Variants in PPID observed in about 807,000 individuals in gnomAD.
PPID encodes peptidylprolyl isomerase D.
Under a neutral mutation model 48.1 loss-of-function variants are expected in PPID, and 47 were observed. The observed-to-expected ratio is 0.98, with a 90% CI of 0.77 to 1.25. PPID has a LOEUF of 1.25. PPID is among the 50% of genes most tolerant of loss of function. PPID has a pLI of 0.00. For missense variants in PPID, 429 were observed against 443.5 expected (o/e 0.97, Z 0.29); for synonymous variants, 163 against 148.8 (o/e 1.10, Z -0.69).
rs935239695 is a variant in PPID at position 158,715,309 on chromosome 4, G to C, written c.740C>G (p.Ala247Gly). The change falls in exon 6 of 10, where the codon GCA becomes GGA. Residue 247 changes from alanine to glycine, a missense_variant. By Grantham distance (60) the Ala-to-Gly change is moderately conservative. Coordinates refer to ENST00000307720, the MANE Select transcript of PPID (RefSeq NM_005038.3). ...GAAATAATATTACCTTAAAACTTCT[G>C]CATATTTTTTAATAGCCATCTCCCA... ...QNWEMAIKKY[A>G]EVLRYVDSSK... 6.6e-7 allele frequency: 1 copy of C among 1,505,032 alleles called. No individual in the cohort carries two copies. Among genetic ancestry groups the C allele is most frequent in the South Asian group, 1.4e-5 (1 of 73,118 alleles). The allele number at this position is 1,505,032 out of a possible 1,614,324, so 93.2% of individuals were successfully genotyped here. A position where few individuals can be genotyped will look rare whatever the true frequency, so the allele number is the denominator to read the frequency against.
chr4:158,710,020 C>T (rs1026643908), intron 9 of PPID, 196 bp from the exon 10 acceptor site: 11 of 563,644 alleles, frequency 2.0e-5, no homozygotes, highest in Non-Finnish European at 3.4e-5. Context: ...ACTGAGAGAA[C>T]TCAAGTACAT....
chr4:158,716,676 C>G (rs944037693), intron 4 of PPID, among the ~76,000 whole-genome samples: 1 of 151,838 alleles, frequency 6.6e-6, no homozygotes, highest in African/African-American at 2.4e-5. Flanking sequence ...TAGCAACTAA[C>G]AGGCTGGGTG....
chr4:158,713,775 T>C (rs1774827083), intron 6 of PPID, among the ~76,000 whole-genome samples: 2 of 94,212 alleles, frequency 2.1e-5, no homozygotes, highest in Admixed American at 1.8e-4. Context: ...AAGATGAGCT[T>C]AGAGCAAGCA....
At chr4:158,716,384 C>A (rs539409897) in intron 4 of PPID, among the ~76,000 whole-genome samples, 1 of 152,078 alleles carries the variant, frequency 6.6e-6, no homozygotes, top group Non-Finnish European at 1.5e-5. Context: ...ACAATCCAGA[C>A]AAGATTTTGG....
intron 7 of PPID, 129 bp from the exon 8 acceptor site, chr4:158,710,977 T>C (rs1774781326): frequency 4.9e-6 from 4 of 809,380 alleles, no homozygotes; most frequent in Non-Finnish European, 7.9e-6. Flanking sequence ...AACATGCAAA[T>C]AGCTCTCCTC....
At chr4:158,720,970 T>C (rs1292396595) in intron 2 of PPID, among the ~76,000 whole-genome samples, 1 of 152,198 alleles carries the variant, frequency 6.6e-6, no homozygotes, top group Non-Finnish European at 1.5e-5. Flanking sequence ...CGCCTCAGCC[T>C]CCCAAAGTGC....
chr4:158,717,019 G>T lies in PPID; in HGVS notation c.515C>A (p.Pro172His). 6.2e-7 allele frequency: 1 copy of T among 1,611,798 alleles called. No individual in the cohort carries two copies. Among genetic ancestry groups the T allele is most frequent in the South Asian group, 1.1e-5 (1 of 90,924 alleles). ...CTGTAACTTTTTACTTACTTTAGCA[G>T]GTTTTTCACCTTTCACTTCCACATT... ...LENVEVKGEK[P>H]AKLCVIAECG... Residue 172 changes from proline to histidine, a missense_variant, in exon 4 of 10, where the codon CCT (proline) becomes CAT (histidine). Pro to His is a moderately conservative substitution (Grantham distance 77). Transcript: ENST00000307720.
chr4:158,721,574 T>C (rs1029170023), intron 1 of PPID, 91 bp from the exon 2 acceptor site: 2 of 1,421,452 alleles, frequency 1.4e-6, no homozygotes, highest in African/African-American at 1.4e-5. Flanking sequence ...AGCAGATCAA[T>C]CATGAATTAC....
intron 1 of PPID, 90 bp downstream of exon 1, chr4:158,723,114 G>T: frequency 7.6e-7 from 1 of 1,319,826 alleles, no homozygotes; most frequent in South Asian, 1.3e-5. Flanking sequence ...GCAGTCACCG[G>T]CCGGAGCCGC....
intron 9 of PPID, chr4:158,710,258 A>AAAC (rs1303554023): frequency 2.8e-5 from 10 of 356,128 alleles, no homozygotes; most frequent in Non-Finnish European, 1.0e-5. Flanking sequence ...CCAAATGTTA[A>AAAC]ATTTACCATG....
chr4:158,719,154 A>C, intron 3 of PPID, 26 bp downstream of exon 3: 1 of 1,418,024 alleles, frequency 7.1e-7, no homozygotes, highest in African/African-American at 1.4e-5. Context: ...TTTTATCAGC[A>C]ATAACATGCA....
chr4:158,711,141 C>A (rs6536365), intron 7 of PPID, among the ~76,000 whole-genome samples: 42,350 of 152,112 alleles, frequency 0.28, 6,160 homozygotes, highest in African/African-American at 0.31. Context: ...TTTGAAGAAA[C>A]ATTTGTATAC....
At position 158,715,324 on chromosome 4, in the gene PPID, G is replaced by A. The variant is rs772265116; in HGVS notation, c.725C>T (p.Ala242Val). 2 of 1,525,970 alleles carry A rather than the reference G, an allele frequency of 1.3e-6. No individual in the cohort carries two copies. Among genetic ancestry groups the A allele is most frequent in the Non-Finnish European group, 1.8e-6 (2 of 1,138,302 alleles). 94.5% of individuals were successfully genotyped at this position (1,525,970 alleles called of 1,614,324 possible). ...TFFKSQNWEM[A>V]IKKYAEVLRY... ...TAAAACTTCTGCATATTTTTTAATA[G>A]CCATCTCCCAGTTCTGGGATTTGAA... Residue 242 changes from alanine to valine, a missense_variant, in exon 6 of 10, where the codon GCT becomes GTT. Coordinates refer to ENST00000307720, the MANE Select transcript of PPID (RefSeq NM_005038.3).
intron 2 of PPID, among the ~76,000 whole-genome samples, chr4:158,720,406 C>T (rs960974216): frequency 6.6e-5 from 10 of 152,036 alleles, no homozygotes; most frequent in African/African-American, 2.4e-4. Context: ...AAAAATGTTG[C>T]TCTTGTGATT....
In PPID at chr4:158,715,290, A is replaced by G; in HGVS notation, c.752+7T>C. 2 of 1,437,206 alleles carry G rather than the reference A, an allele frequency of 1.4e-6. No individual in the cohort carries two copies. The highest frequency in any genetic ancestry group is 1.5e-5 in the African/African-American group (1 of 68,564). The allele number at this position is 1,437,206 out of a possible 1,614,324, so 89.0% of individuals were successfully genotyped here. On this transcript the variant is annotated splice_region_variant and intron_variant, in intron 6 of 9. Coordinates refer to ENST00000307720, the MANE Select transcript of PPID (RefSeq NM_005038.3). ...TCTTAAAAATAATTTGTTAGAAATAATATTACCTTAAAACTTCTGCATATT... is the reference window on the plus strand; with the variant it reads ...TCTTAAAAATAATTTGTTAGAAATAGTATTACCTTAAAACTTCTGCATATT...
chr4:158,710,197 A>C, intron 9 of PPID: 1 of 337,658 alleles, frequency 3.0e-6, no homozygotes. Flanking sequence ...CCTAAAACAT[A>C]TAACCAGTAC....
intron 7 of PPID, among the ~76,000 whole-genome samples, chr4:158,712,872 C>CTTT (rs1774812066): frequency 6.6e-6 from 1 of 152,114 alleles, no homozygotes; most frequent in African/African-American, 2.4e-5. Flanking sequence ...TAAGTGAATA[C>CTTT]ATGAGCTGAT....
chr4:158,717,278 T>G, intron 3 of PPID, 78 bp from the exon 4 acceptor site: 1 of 1,341,332 alleles, frequency 7.5e-7, no homozygotes, highest in East Asian at 2.5e-5. Context: ...GAACTGTTCT[T>G]TTACTGAACA....
chr4:158,714,350 A>G (rs977874189), intron 6 of PPID, among the ~76,000 whole-genome samples: 1 of 152,212 alleles, frequency 6.6e-6, no homozygotes, highest in Non-Finnish European at 1.5e-5. Flanking sequence ...GTAATACAAA[A>G]CAACACCTAA....
Sources: allele counts gnomAD v4.1 joint callset (sites outside exome capture counted in the v4.1 genomes callset), GRCh38; gene constraint gnomAD v4.1.1; transcripts MANE v1.5; gene names NCBI Gene and HGNC (gene_info 2026-07-23, HGNC 2026-07-21).